The following KIAA1217 variants were observed in gnomAD, a reference collection of about 807,000 sequenced individuals.
KIAA1217 encodes sickle tail protein homolog.
KIAA1217 carries 88 observed loss-of-function variants against 163.9 expected under a neutral mutation model. The ratio of observed to expected loss-of-function variants is 0.54; its 90% CI spans 0.45 to 0.64. The LOEUF (loss-of-function observed/expected upper bound fraction) is 0.64, where lower values mean the gene tolerates loss of function less well. KIAA1217 is among the 30% of genes least tolerant of loss of function. The probability of loss-of-function intolerance (pLI) is 0.00; values close to 1 mark genes in which losing one functional copy is unlikely to be tolerated. For synonymous variants in KIAA1217, 903 were observed against 923.1 expected (o/e 0.98, Z 0.39); for missense variants, 2,372 against 2,475.0 (o/e 0.96, Z 0.88).
chr10:24,275,569 T>G, intron 2 of KIAA1217: 1 of 444,786 alleles, frequency 2.2e-6, no homozygotes, highest in South Asian at 1.6e-5. Flanking sequence ...AGATTTTAGG[T>G]GATGGGCATA....
At chr10:24,401,088 A>T (rs1262025058) in intron 3 of KIAA1217, among the ~76,000 whole-genome samples, 2 of 151,978 alleles carry the variant, frequency 1.3e-5, no homozygotes, top group African/African-American at 2.4e-5. Context: ...CTTACAAAGA[A>T]AAGAAAACTT....
At chr10:23,715,723 A>G (rs562868489) in intron 1 of KIAA1217, among the ~76,000 whole-genome samples, 1 of 152,278 alleles carries the variant, frequency 6.6e-6, no homozygotes, top group African/African-American at 2.4e-5. Flanking sequence ...TATATTTTTA[A>G]ATATTAGGTA....
chr10:24,263,017 C>G (rs1554780292), intron 2 of KIAA1217, among the ~76,000 whole-genome samples: 1 of 151,816 alleles, frequency 6.6e-6, no homozygotes, highest in Non-Finnish European at 1.5e-5. Context: ...AAAGTCCACT[C>G]ACGTATAAAA....
At chr10:23,814,948 A>G (rs574524194) in intron 1 of KIAA1217, among the ~76,000 whole-genome samples, 2 of 152,332 alleles carry the variant, frequency 1.3e-5, no homozygotes, top group South Asian at 2.1e-4. Context: ...TGACCTTTCC[A>G]GGTCAGGATT....
chr10:23,818,028 CAT>C (rs1311958639), intron 1 of KIAA1217, among the ~76,000 whole-genome samples: 13 of 112,858 alleles, frequency 1.2e-4, no homozygotes, highest in Non-Finnish European at 1.8e-4. Context: ...TATATACACA[CAT>C]ATATATACAT....
chr10:23,897,314 G>A (rs765845371), intron 1 of KIAA1217, among the ~76,000 whole-genome samples: 9 of 151,940 alleles, frequency 5.9e-5, no homozygotes, highest in Admixed American at 2.0e-4. Flanking sequence ...TTCATCTGCC[G>A]CAGCAACCCA....
chr10:24,220,581 A>T (rs1190315708), intron 2 of KIAA1217, among the ~76,000 whole-genome samples: 1 of 149,250 alleles, frequency 6.7e-6, no homozygotes, highest in Non-Finnish European at 1.5e-5. Context: ...CAGCCTCCTG[A>T]GTAGCTGGGA....
At chr10:24,236,353 C>A (rs1388309854) in intron 2 of KIAA1217, among the ~76,000 whole-genome samples, 1 of 152,108 alleles carries the variant, frequency 6.6e-6, no homozygotes, top group Non-Finnish European at 1.5e-5. Flanking sequence ...CAGATTCAAG[C>A]AATTGTCCTG....
At chr10:24,310,348 G>A (rs2042546719) in intron 2 of KIAA1217, among the ~76,000 whole-genome samples, 1 of 152,182 alleles carries the variant, frequency 6.6e-6, no homozygotes, top group East Asian at 1.9e-4. Context: ...GAAGGAAACC[G>A]AAGCTGGTGG....
intron 1 of KIAA1217, among the ~76,000 whole-genome samples, chr10:23,843,463 C>T (rs1838881108): frequency 6.6e-6 from 1 of 152,148 alleles, no homozygotes; most frequent in Non-Finnish European, 1.5e-5. Flanking sequence ...CCTCTCTGAT[C>T]CTGTTCTCCC....
intron 10 of KIAA1217, among the ~76,000 whole-genome samples, chr10:24,518,708 C>T (rs947738404): frequency 6.6e-6 from 1 of 152,174 alleles, no homozygotes; most frequent in Non-Finnish European, 1.5e-5. Flanking sequence ...TTATTTAGAG[C>T]CCTTCAGTGA....
intron 1 of KIAA1217, among the ~76,000 whole-genome samples, chr10:23,891,501 A>G (rs750716334): frequency 4.6e-5 from 7 of 151,880 alleles, no homozygotes; most frequent in Non-Finnish European, 1.0e-4. Context: ...AGCTTCAGCA[A>G]CCTCATACCC....
At chr10:24,095,103 G>A (rs369737513) in intron 2 of KIAA1217, among the ~76,000 whole-genome samples, 1 of 152,166 alleles carries the variant, frequency 6.6e-6, no homozygotes, top group Non-Finnish European at 1.5e-5. Flanking sequence ...CAGTATTCAC[G>A]TGGGAGTGGC....
chr10:24,177,086 C>T (rs894505651), intron 2 of KIAA1217, among the ~76,000 whole-genome samples: 12 of 151,436 alleles, frequency 7.9e-5, no homozygotes, highest in Admixed American at 1.3e-4. Flanking sequence ...TCTCCCTCCA[C>T]ACCTCCCCAC....
chr10:24,480,488 C>A (rs947746028), intron 6 of KIAA1217, among the ~76,000 whole-genome samples: 5 of 152,202 alleles, frequency 3.3e-5, no homozygotes, highest in Non-Finnish European at 7.3e-5. Context: ...CTAACACTTG[C>A]CAGCAGATGG....
At chr10:23,736,068 A>G (rs1012738140) in intron 1 of KIAA1217, among the ~76,000 whole-genome samples, 1 of 152,260 alleles carries the variant, frequency 6.6e-6, no homozygotes, top group African/African-American at 2.4e-5. Context: ...CTGGCAGTGT[A>G]TGAGAGTTTC....
At chr10:23,793,817 C>T (rs1475572935) in intron 1 of KIAA1217, among the ~76,000 whole-genome samples, 1 of 152,178 alleles carries the variant, frequency 6.6e-6, no homozygotes, top group Non-Finnish European at 1.5e-5. Context: ...GGACTCAAAA[C>T]TGACAGAGAT....
chr10:24,055,730 C>G (rs1849847427), intron 2 of KIAA1217, among the ~76,000 whole-genome samples: 1 of 151,658 alleles, frequency 6.6e-6, no homozygotes, highest in Non-Finnish European at 1.5e-5. Context: ...GATAAAACTT[C>G]TATTTACATT....
intron 1 of KIAA1217, among the ~76,000 whole-genome samples, chr10:23,895,331 G>A (rs1424063875): frequency 6.6e-6 from 1 of 152,048 alleles, no homozygotes; most frequent in East Asian, 1.9e-4. Context: ...AGTGAGCGAA[G>A]GACATGAACA....
Sources: gnomAD v4.1 joint callset for allele counts (sites outside exome capture counted in the v4.1 genomes callset) on GRCh38, gnomAD v4.1.1 for gene constraint, MANE v1.5 for transcripts, NCBI Gene and HGNC (gene_info 2026-07-23, HGNC 2026-07-21) for gene names.